Variants in TMSB15B observed in about 807,000 individuals in gnomAD.
TMSB15B encodes the protein thymosin beta 15B.
At chrX:103,943,662 A>G (rs1339855055) in intron 1 of TMSB15B, among the ~76,000 whole-genome samples, 6 of 110,574 alleles carry the variant, frequency 5.4e-5, no homozygotes, top group Non-Finnish European at 1.1e-4. Flanking sequence ...TACCTTTTTC[A>G]CCTCTTTTTC....
chrX:103,940,461 G>A (rs1299080756), intron 1 of TMSB15B, among the ~76,000 whole-genome samples: 2 of 111,439 alleles, frequency 1.8e-5, no homozygotes, highest in Non-Finnish European at 3.8e-5. Context: ...CACTGTGAGG[G>A]GAAAACCCGT....
chrX:103,923,660 G>T (rs1556318264), intron 1 of TMSB15B, among the ~76,000 whole-genome samples: 2 of 111,508 alleles, frequency 1.8e-5, no homozygotes, highest in Non-Finnish European at 3.8e-5. Context: ...TTGTTCTTTT[G>T]GCTTAGGATT....
At chrX:103,933,834 CT>C (rs371065088) in intron 1 of TMSB15B, among the ~76,000 whole-genome samples, 6,114 of 97,006 alleles carry the variant, frequency 0.063, 217 homozygotes, top group Non-Finnish European at 0.1. Context: ...CTTTTTCTCT[CT>C]TTTTTTTTTT....
intron 1 of TMSB15B, among the ~76,000 whole-genome samples, chrX:103,937,445 T>G (rs2075001029): frequency 8.9e-6 from 1 of 112,226 alleles, no homozygotes; most frequent in Admixed American, 9.4e-5. Context: ...ATTTTCTAGT[T>G]TATTTGCATA....
At chrX:103,941,648 T>G (rs1227596865) in intron 1 of TMSB15B, among the ~76,000 whole-genome samples, 1 of 111,999 alleles carries the variant, frequency 8.9e-6, no homozygotes, top group Non-Finnish European at 1.9e-5. Flanking sequence ...CTCTAGGGGA[T>G]TTATGTAGAA....
chrX:103,928,776 A>C (rs34006779), intron 1 of TMSB15B: 478,264 of 1,179,362 alleles, frequency 0.41, 68,192 homozygotes, highest in Middle Eastern at 0.52. Flanking sequence ...TCACCTGCCT[A>C]GTTCTGTATC....
intron 1 of TMSB15B, among the ~76,000 whole-genome samples, chrX:103,930,725 G>GATTA: frequency 1.1e-5 from 1 of 93,061 alleles, no homozygotes; most frequent in African/African-American, 3.9e-5. Flanking sequence ...TGATGCTGTT[G>GATTA]ATAATAATAA....
intron 1 of TMSB15B, chrX:103,928,587 T>C (rs2074975808): frequency 1.7e-6 from 2 of 1,174,790 alleles, no homozygotes; most frequent in Non-Finnish European, 2.3e-6. Flanking sequence ...TCAATTCTTA[T>C]GGGCTTTGGG....
intron 1 of TMSB15B, chrX:103,928,688 C>T: frequency 8.7e-7 from 1 of 1,154,171 alleles, no homozygotes; most frequent in East Asian, 3.0e-5. Context: ...TTCCAGGACC[C>T]CATGCAGGAT....
At chrX:103,921,269 C>T (rs2074951882) in intron 1 of TMSB15B, among the ~76,000 whole-genome samples, 1 of 111,896 alleles carries the variant, frequency 8.9e-6, no homozygotes, top group Non-Finnish European at 1.9e-5. Context: ...TCACCTCGCA[C>T]ACTTAGGGGT....
At chrX:103,953,347 A>G (rs2075043554) in intron 1 of TMSB15B, among the ~76,000 whole-genome samples, 1 of 112,211 alleles carries the variant, frequency 8.9e-6, no homozygotes, top group Non-Finnish European at 1.9e-5. Context: ...GCATCCTAGC[A>G]AAAGTAGCTG....
chrX:103,954,999 C>T (rs1379395168), intron 1 of TMSB15B, among the ~76,000 whole-genome samples: 2 of 111,307 alleles, frequency 1.8e-5, no homozygotes, highest in East Asian at 5.7e-4. Context: ...AATACAAGTC[C>T]CCCAGAGATA....
chrX:103,934,998 A>G (rs2074993674), intron 1 of TMSB15B, among the ~76,000 whole-genome samples: 1 of 112,326 alleles, frequency 8.9e-6, no homozygotes, highest in Non-Finnish European at 1.9e-5. Flanking sequence ...CCTGTCCAGC[A>G]TCTGTTGTTT....
chrX:103,922,810 C>T (rs1235475950), intron 1 of TMSB15B, among the ~76,000 whole-genome samples: 2 of 111,985 alleles, frequency 1.8e-5, no homozygotes, highest in African/African-American at 6.5e-5. Context: ...TGAACTAGTT[C>T]ACAGTCCCAC....
At chrX:103,926,329 A>G (rs1162166427) in intron 1 of TMSB15B, among the ~76,000 whole-genome samples, 2 of 101,713 alleles carry the variant, frequency 2.0e-5, no homozygotes, top group African/African-American at 7.3e-5. Flanking sequence ...GCAGGGTGGT[A>G]TGAATGAGAC....
intron 1 of TMSB15B, among the ~76,000 whole-genome samples, chrX:103,937,602 T>A (rs1556322309): frequency 8.9e-6 from 1 of 111,740 alleles, no homozygotes; most frequent in East Asian, 2.8e-4. Flanking sequence ...ATTTTATTAA[T>A]CTTTTCAAAA....
In TMSB15B at chrX:103,936,547, G is replaced by A. The variant is rs2074998432; in HGVS notation, c.-721+17255G>A. On this transcript the variant is annotated intron_variant, in intron 1 of 3. Coordinates refer to the TMSB15B transcript ENST00000419165. Reference sequence around the variant, plus strand: ...GCTTATCAGCTTAAGGAGTTTATGGGCTGAGACCATGGGGTTTCTAAATAT... The same window carrying A: ...GCTTATCAGCTTAAGGAGTTTATGGACTGAGACCATGGGGTTTCTAAATAT... Among the ~76,000 whole-genome samples the A allele has an allele frequency of 2.7e-5, 3 of 112,024 alleles. 1 individual carries two copies. The Admixed American group carries it at 2.8e-4, about 11-fold the overall frequency.
intron 1 of TMSB15B, among the ~76,000 whole-genome samples, chrX:103,938,578 A>G (rs1391029223): frequency 1.8e-5 from 2 of 112,070 alleles, no homozygotes; most frequent in African/African-American, 6.5e-5. Flanking sequence ...TCCTGAATAC[A>G]GCGCACTGAT....
chrX:103,948,999 G>A (rs138792665), intron 1 of TMSB15B, among the ~76,000 whole-genome samples: 10 of 111,711 alleles, frequency 9.0e-5, no homozygotes, highest in African/African-American at 3.2e-4. Context: ...GTTCAGGTAG[G>A]ACTCATTGAT....
Sources: gnomAD v4.1 joint callset for allele counts (sites outside exome capture counted in the v4.1 genomes callset) on GRCh38, gnomAD v4.1.1 for gene constraint, MANE v1.5 for transcripts, NCBI Gene and HGNC (gene_info 2026-07-23, HGNC 2026-07-21) for gene names.